ZRANB3: variants seen among roughly 807,000 people sequenced by gnomAD.
ZRANB3 encodes the protein DNA annealing helicase and endonuclease ZRANB3.
ZRANB3 carries 125 observed loss-of-function variants against 133.8 expected under a neutral mutation model. The ratio of observed to expected loss-of-function variants is 0.93; its 90% CI spans 0.81 to 1.08. The LOEUF is 1.08. Among genes scored for constraint, ZRANB3 ranks in the 50% least tolerant of loss-of-function variants. The pLI, the probability that ZRANB3 is intolerant of heterozygous loss-of-function variation, is 0.00. For missense variants in ZRANB3, 1,229 were observed against 1,275.5 expected (o/e 0.96, Z 0.56); for synonymous variants, 387 against 432.7 (o/e 0.89, Z 1.31).
chr2:135,271,960 G>T, intron 9 of ZRANB3, 73 bp from the exon 10 acceptor site: 3 of 1,376,236 alleles, frequency 2.2e-6, no homozygotes, highest in South Asian at 2.0e-5. Flanking sequence ...ATATTTTACA[G>T]CTTATTTTTA....
chr2:135,201,349 T>C (rs552346920), intron 20 of ZRANB3, among the ~76,000 whole-genome samples: 6 of 152,210 alleles, frequency 3.9e-5, no homozygotes, highest in Admixed American at 6.5e-5. Flanking sequence ...GCGGAAACAG[T>C]AAGGACAGAA....
chr2:135,354,965 GGAAA>G (rs1217348813), intron 3 of ZRANB3, among the ~76,000 whole-genome samples: 1 of 151,848 alleles, frequency 6.6e-6, no homozygotes, highest in Admixed American at 6.6e-5. Context: ...GCAAACAATG[GGAAA>G]GAGAGACTAA....
At chr2:135,209,063 C>A in intron 17 of ZRANB3, 85 bp from the exon 18 acceptor site, 1 of 1,292,072 alleles carries the variant, frequency 7.7e-7, no homozygotes. Context: ...CTTGCAAAAG[C>A]AATAGAAGAA....
At chr2:135,398,159 G>A (rs185161310) in intron 2 of ZRANB3, among the ~76,000 whole-genome samples, 1,585 of 151,934 alleles carry the variant, frequency 0.01, 25 homozygotes, top group African/African-American at 0.036. Flanking sequence ...TCTGCCTCCC[G>A]GGTTCACGCC....
intron 6 of ZRANB3, among the ~76,000 whole-genome samples, chr2:135,321,645 TG>T (rs1267960781): frequency 6.6e-6 from 1 of 152,088 alleles, no homozygotes; most frequent in Non-Finnish European, 1.5e-5. Flanking sequence ...GGCTAATTTT[TG>T]TATTTTTTTA....
intron 2 of ZRANB3, among the ~76,000 whole-genome samples, chr2:135,412,566 G>C (rs1043107639): frequency 5.3e-5 from 8 of 151,950 alleles, no homozygotes; most frequent in Middle Eastern, 3.2e-3. Context: ...TTTTCTACTA[G>C]TTCCTGCAGG....
intron 2 of ZRANB3, among the ~76,000 whole-genome samples, chr2:135,410,642 T>A (rs1485340884): frequency 6.6e-6 from 1 of 151,990 alleles, no homozygotes; most frequent in Non-Finnish European, 1.5e-5. Flanking sequence ...ATATGGGACT[T>A]GCACAGCAAA....
At chr2:135,313,769 A>T (rs1683119384) in intron 7 of ZRANB3, among the ~76,000 whole-genome samples, 164 bp from the exon 8 acceptor site, 1 of 152,258 alleles carries the variant, frequency 6.6e-6, no homozygotes, top group Non-Finnish European at 1.5e-5. Flanking sequence ...ATCAATGCAG[A>T]GGTAGGTCAG....
At position 135,353,508 on chromosome 2, in the gene ZRANB3, AT is replaced by A; in HGVS notation, c.300del (p.Lys100AsnfsTer6). 6.2e-7 allele frequency: 1 copy of A among 1,609,862 alleles called. No homozygotes were observed. The highest frequency in any genetic ancestry group is 8.5e-7 in the Non-Finnish European group (1 of 1,177,614). On this transcript the variant is annotated frameshift_variant, in exon 4 of 21. Transcript: ENST00000264159. LOFTEE classifies it high-confidence loss of function. ...LRYPWTEEIE[K>X]WIPELSPEEI... ...TCTTCTGGACTTAGCTCTGGGATCC[AT>A]TTTTCAATTTCTTCTGTCCAAGGGT... is the stretch of plus-strand genomic sequence containing the variant.
chr2:135,390,822 TGG>T lies in ZRANB3; in HGVS notation c.162-4_162-3del. 6.9e-7 allele frequency: 1 copy of T among 1,440,522 alleles called. No individual in the cohort carries two copies. The highest frequency in any genetic ancestry group is 9.2e-7 in the Non-Finnish European group (1 of 1,090,952). 89.2% of individuals were successfully genotyped at this position (1,440,522 alleles called of 1,614,324 possible). ...CTTACTTCATCAGCCACCATACACC[TGG>T]AAAAAAAAAAAAAAAAAAATTAATT... On this transcript the variant is annotated splice_region_variant and splice_polypyrimidine_tract_variant and intron_variant, in intron 2 of 20. Transcript: ENST00000264159.
In ZRANB3 at chr2:135,480,634, T is replaced by C. The variant is rs147815094; in HGVS notation, c.161+23695A>G. ...TCTTTTATTATTATTATTATTATAC[T>C]TTAAGTTTTAGGGTACATGTGCACA... On this transcript the variant is annotated intron_variant, in intron 2 of 20. Coordinates refer to ENST00000264159, the MANE Select transcript of ZRANB3 (RefSeq NM_032143.4). Among the ~76,000 whole-genome samples, 28 of 152,102 alleles carry C rather than the reference T, an allele frequency of 1.8e-4. No individual in the cohort carries two copies. The East Asian group carries it at 5.4e-3, about 29-fold the overall frequency.
At chr2:135,370,024 G>A (rs1226906487) in intron 3 of ZRANB3, among the ~76,000 whole-genome samples, 1 of 142,654 alleles carries the variant, frequency 7.0e-6, no homozygotes, top group African/African-American at 2.8e-5. Flanking sequence ...TTAGAGGGAG[G>A]GCATGTTTCT....
intron 2 of ZRANB3, among the ~76,000 whole-genome samples, chr2:135,403,643 T>G (rs942345091): frequency 4.1e-4 from 63 of 152,190 alleles, no homozygotes; most frequent in Admixed American, 3.7e-3. Context: ...TGAGAACAGA[T>G]AGACTGCCTC....
chr2:135,405,566 G>C (rs1687974053), intron 2 of ZRANB3, among the ~76,000 whole-genome samples: 1 of 152,142 alleles, frequency 6.6e-6, no homozygotes, highest in African/African-American at 2.4e-5. Flanking sequence ...CCACATAGTT[G>C]GAAGTAAAGC....
At chr2:135,292,984 T>C (rs986035920) in intron 8 of ZRANB3, among the ~76,000 whole-genome samples, 3 of 152,074 alleles carry the variant, frequency 2.0e-5, no homozygotes, top group Non-Finnish European at 4.4e-5. Flanking sequence ...ACCATGCTGT[T>C]TTGGTTACTG....
At chr2:135,353,338 A>T (rs1685289558) in intron 4 of ZRANB3, 112 bp downstream of exon 4, 1 of 613,744 alleles carries the variant, frequency 1.6e-6, no homozygotes, top group Non-Finnish European at 2.5e-6. Context: ...CATACTACTT[A>T]CTCCACTTCT....
At chr2:135,354,850 C>T (rs1167863405) in intron 3 of ZRANB3, among the ~76,000 whole-genome samples, 1 of 152,050 alleles carries the variant, frequency 6.6e-6, no homozygotes, top group East Asian at 1.9e-4. Context: ...GTTAACATAA[C>T]CTATGCATTT....
At chr2:135,349,944 C>A in intron 5 of ZRANB3, 40 bp downstream of exon 5, 1 of 1,585,424 alleles carries the variant, frequency 6.3e-7, no homozygotes, top group Non-Finnish European at 8.6e-7. Flanking sequence ...TCCCACCCCC[C>A]TTCTCTTCTT....
At chr2:135,525,090 A>G (rs1694096376) in intron 1 of ZRANB3, among the ~76,000 whole-genome samples, 1 of 152,184 alleles carries the variant, frequency 6.6e-6, no homozygotes, top group Admixed American at 6.5e-5. Flanking sequence ...AAAAAGTTAA[A>G]AGATATTTCA....
Sources: gnomAD v4.1 joint callset for allele counts (sites outside exome capture counted in the v4.1 genomes callset) on GRCh38, gnomAD v4.1.1 for gene constraint, MANE v1.5 for transcripts, NCBI Gene and HGNC (gene_info 2026-07-23, HGNC 2026-07-21) for gene names.